AKAP6: variants seen among roughly 807,000 people sequenced by gnomAD.
AKAP6 encodes A-kinase anchoring protein 6.
Under a neutral mutation model 188.5 loss-of-function variants are expected in AKAP6, and 58 were observed. That is an observed-to-expected ratio of 0.31 (90% CI 0.25 to 0.38). The LOEUF (loss-of-function observed/expected upper bound fraction) is 0.38, where lower values mean the gene tolerates loss of function less well. AKAP6 is among the 10% of genes least tolerant of loss of function. AKAP6 has a pLI of 1.00. For missense variants in AKAP6, 2,710 were observed against 2,740.0 expected, an observed-to-expected ratio of 0.99 and a Z score of 0.24; for synonymous variants, 989 against 998.6, an observed-to-expected ratio of 0.99 and a Z score of 0.18.
chr14:32,337,700 C>T (rs992461205), intron 1 of AKAP6, among the ~76,000 whole-genome samples: 1 of 151,840 alleles, frequency 6.6e-6, no homozygotes, highest in Non-Finnish European at 1.5e-5. Context: ...TTAGGTATAT[C>T]TCCTAATGCT....
intron 1 of AKAP6, among the ~76,000 whole-genome samples, chr14:32,357,705 C>T (rs115899418): frequency 0.01 from 1,543 of 152,296 alleles, 36 homozygotes; most frequent in African/African-American, 0.035. Context: ...CACCTTACAT[C>T]CACCTTTAGG....
intron 1 of AKAP6, among the ~76,000 whole-genome samples, chr14:32,333,898 A>G (rs546569013): frequency 6.6e-6 from 1 of 152,186 alleles, no homozygotes; most frequent in Non-Finnish European, 1.5e-5. Flanking sequence ...AGAGCCCTCT[A>G]AATTGAGCAT....
At chr14:32,693,171 A>G (rs1444946904) in intron 8 of AKAP6, among the ~76,000 whole-genome samples, 1 of 152,120 alleles carries the variant, frequency 6.6e-6, no homozygotes. Flanking sequence ...CAAGGATATT[A>G]TGAGGCTTCC....
intron 8 of AKAP6, among the ~76,000 whole-genome samples, chr14:32,679,205 A>G (rs1282845207): frequency 2.0e-5 from 3 of 152,182 alleles, no homozygotes; most frequent in Non-Finnish European, 4.4e-5. Context: ...ATATATGTAT[A>G]TTTTTAAAAA....
chr14:32,816,771 C>T (rs1293671909), intron 12 of AKAP6, among the ~76,000 whole-genome samples: 1 of 152,062 alleles, frequency 6.6e-6, no homozygotes, highest in Non-Finnish European at 1.5e-5. Context: ...ACAGTTATTG[C>T]TGCTTATGTT....
At chr14:32,452,050 A>G (rs1423347525) in intron 2 of AKAP6, among the ~76,000 whole-genome samples, 1 of 52,054 alleles carries the variant, frequency 1.9e-5, no homozygotes, top group African/African-American at 8.7e-5. Context: ...GAGACATGGT[A>G]TTGCTCTGTT....
intron 5 of AKAP6, among the ~76,000 whole-genome samples, chr14:32,590,216 A>G (rs907514569): frequency 1.3e-5 from 2 of 151,978 alleles, no homozygotes; most frequent in Admixed American, 1.3e-4. Context: ...AGACAAGTTG[A>G]GATTCTCCCT....
intron 7 of AKAP6, among the ~76,000 whole-genome samples, chr14:32,643,874 G>T (rs191298095): frequency 6.6e-6 from 1 of 152,242 alleles, no homozygotes; most frequent in Admixed American, 6.5e-5. Flanking sequence ...AATTAAAAAT[G>T]CATAGTTCTT....
intron 11 of AKAP6, among the ~76,000 whole-genome samples, chr14:32,748,757 A>G (rs1076751): frequency 0.16 from 24,031 of 152,100 alleles, 2,920 homozygotes; most frequent in African/African-American, 0.34. Flanking sequence ...GGGGTGGTAA[A>G]AACCAAGTCC....
chr14:32,541,834 T>C (rs1263278928), intron 3 of AKAP6, among the ~76,000 whole-genome samples: 2 of 152,232 alleles, frequency 1.3e-5, no homozygotes, highest in African/African-American at 4.8e-5. Context: ...AGTATAACTT[T>C]TGTTTGGCTG....
At chr14:32,741,996 C>T (rs1379721815) in intron 11 of AKAP6, among the ~76,000 whole-genome samples, 2 of 151,564 alleles carry the variant, frequency 1.3e-5, no homozygotes, top group African/African-American at 2.4e-5. Context: ...GTGAAGCCAT[C>T]GGGTCCCTGG....
At chr14:32,829,617 T>A (rs868043604) in intron 13 of AKAP6, among the ~76,000 whole-genome samples, 3,718 of 147,472 alleles carry the variant, frequency 0.025, 85 homozygotes, top group Middle Eastern at 0.09. Context: ...CACGTCTTTT[T>A]AAAAAAAAAA....
chr14:32,733,773 C>A (rs1055547366), intron 10 of AKAP6: 2 of 152,028 alleles, frequency 1.3e-5, no homozygotes, highest in African/African-American at 2.4e-5. Context: ...AAATCAAAAC[C>A]TGCCGTATTC....
intron 1 of AKAP6, among the ~76,000 whole-genome samples, chr14:32,334,405 G>A (rs1042073211): frequency 8.5e-5 from 13 of 152,066 alleles, no homozygotes; most frequent in Non-Finnish European, 1.6e-4. Flanking sequence ...CTTAATAGCC[G>A]TCTTGGTTTT....
chr14:32,592,381 G>A lies in AKAP6; in HGVS notation c.2470-7029G>A, dbSNP rs569086141. On this transcript the variant is annotated intron_variant, in intron 5 of 13. Coordinates refer to ENST00000280979, the MANE Select transcript of AKAP6 (RefSeq NM_004274.5). ...GTGCCAAGGGTGGGGAAACCAGTTAGGTGGAAGATGGTTAGGGAGAGCTTG... is the reference window on the plus strand; with the variant it reads ...GTGCCAAGGGTGGGGAAACCAGTTAAGTGGAAGATGGTTAGGGAGAGCTTG... 9.2e-5 allele frequency among the ~76,000 whole-genome samples: 14 copies of A among 152,308 alleles called. No homozygotes were observed. The East Asian group carries it at 2.7e-3, about 29-fold the overall frequency.
intron 7 of AKAP6, among the ~76,000 whole-genome samples, chr14:32,662,850 A>G (rs767287576): frequency 1.3e-5 from 2 of 152,094 alleles, no homozygotes; most frequent in Non-Finnish European, 2.9e-5. Context: ...TGGTAAAATG[A>G]TGGTATCCTA....
At chr14:32,525,968 A>G (rs146906315) in intron 2 of AKAP6, among the ~76,000 whole-genome samples, 220 of 152,334 alleles carry the variant, frequency 1.4e-3, no homozygotes, top group African/African-American at 5.0e-3. Flanking sequence ...AAGAATAACT[A>G]CTGTTTATAG....
At chr14:32,616,456 C>A (rs758690291) in intron 7 of AKAP6, among the ~76,000 whole-genome samples, 9 of 152,136 alleles carry the variant, frequency 5.9e-5, no homozygotes, top group Non-Finnish European at 1.0e-4. Flanking sequence ...TTTGCAGGAA[C>A]ATAGACGGAT....
At chr14:32,800,153 C>CATATATATACACACATATATACAT (rs2033902207) in intron 12 of AKAP6, among the ~76,000 whole-genome samples, 1 of 117,672 alleles carries the variant, frequency 8.5e-6, no homozygotes, top group Non-Finnish European at 1.8e-5. Flanking sequence ...CACATATATA[C>CATATATATACACACATATATACAT]ATATATATAC....
Sources: allele counts gnomAD v4.1 joint callset (sites outside exome capture counted in the v4.1 genomes callset), GRCh38; gene constraint gnomAD v4.1.1; transcripts MANE v1.5; gene names NCBI Gene and HGNC (gene_info 2026-07-23, HGNC 2026-07-21).